The following USP45 variants were observed in gnomAD, a reference collection of about 807,000 sequenced individuals.
The protein encoded by USP45 is ubiquitin carboxyl-terminal hydrolase 45.
Under a neutral mutation model 95.8 loss-of-function variants are expected in USP45, and 89 were observed. The ratio of observed to expected loss-of-function variants is 0.93; its 90% CI spans 0.78 to 1.11. The LOEUF (loss-of-function observed/expected upper bound fraction) is 1.11, where lower values mean the gene tolerates loss of function less well. USP45 is among the 50% of genes least tolerant of loss of function. The pLI is 0.00. For synonymous variants in USP45, 281 were observed against 316.2 expected (o/e 0.89, Z 1.18); for missense variants, 898 against 942.5 (o/e 0.95, Z 0.62).
At position 99,437,499 on chromosome 6, in the gene USP45, A is replaced by C. The variant is rs1048748162; in HGVS notation, c.2161-100T>G. 3 of 1,205,300 alleles carry C rather than the reference A, an allele frequency of 2.5e-6. No individual in the cohort carries two copies. In the Admixed American group the frequency reaches 9.4e-5, roughly 38 times the overall value. 74.7% of individuals were successfully genotyped at this position (1,205,300 alleles called of 1,614,324 possible). On this transcript the variant is annotated intron_variant, in intron 16 of 17. Coordinates refer to ENST00000500704, the MANE Select transcript of USP45 (RefSeq NM_001346022.3). The stretch of plus-strand genomic sequence containing the variant: ...TATCTGCTTAACATAAGAAAAATGC[A>C]TAGTAAAACTGAGATACTTTCCATA...
chr6:99,492,635 C>G (rs558021182), intron 5 of USP45, among the ~76,000 whole-genome samples: 7 of 148,282 alleles, frequency 4.7e-5, no homozygotes, highest in Admixed American at 1.4e-4. Context: ...GTTGGGATTA[C>G]AGGCATGCGC....
chr6:99,436,088 G>A (rs1461376228), intron 17 of USP45, among the ~76,000 whole-genome samples: 4 of 151,688 alleles, frequency 2.6e-5, no homozygotes, highest in Admixed American at 1.3e-4. Flanking sequence ...GTGCCATGGT[G>A]GTTTGCTGCA....
intron 5 of USP45, among the ~76,000 whole-genome samples, chr6:99,495,395 G>A (rs1194392536): frequency 6.6e-6 from 1 of 152,206 alleles, no homozygotes; most frequent in Non-Finnish European, 1.5e-5. Flanking sequence ...GGGAACACTG[G>A]TTCTTCCCTT....
At chr6:99,484,274 C>G (rs2128714988) in intron 7 of USP45, among the ~76,000 whole-genome samples, 2 of 151,632 alleles carry the variant, frequency 1.3e-5, no homozygotes, top group East Asian at 3.9e-4. Context: ...CCCAAGTGAT[C>G]CTCCTGCTTC....
chr6:99,509,625 T>C (rs1229980457), intron 2 of USP45, among the ~76,000 whole-genome samples: 1 of 140,998 alleles, frequency 7.1e-6, no homozygotes, highest in Non-Finnish European at 1.5e-5. Context: ...GACATGGTTT[T>C]AATAGGCCAT....
At chr6:99,441,765 C>T (rs1196809068) in intron 15 of USP45, among the ~76,000 whole-genome samples, 1 of 152,092 alleles carries the variant, frequency 6.6e-6, no homozygotes, top group Non-Finnish European at 1.5e-5. Context: ...CTTGCCTGGA[C>T]TTTGTACTTC....
chr6:99,510,031 T>A (rs1446884277), intron 2 of USP45, 90 bp downstream of exon 2: 1 of 956,452 alleles, frequency 1.0e-6, no homozygotes, highest in African/African-American at 1.6e-5. Context: ...TACAAGTTGA[T>A]CCTCAGCGTT....
chr6:99,497,432 G>C (rs1421876882), intron 5 of USP45, among the ~76,000 whole-genome samples: 1 of 152,128 alleles, frequency 6.6e-6, no homozygotes, highest in Non-Finnish European at 1.5e-5. Context: ...CAGCTGAAAA[G>C]AAGTTTAATA....
In USP45 at chr6:99,493,739, T is replaced by A. The variant is rs375269121; in HGVS notation, c.479-4919A>T. Reference sequence around the variant, plus strand: ...GTCTCGAACTCCTGACCTCAGGTGATCCACCTGCCTGGACCTCCCAAAGTG... The same window carrying A: ...GTCTCGAACTCCTGACCTCAGGTGAACCACCTGCCTGGACCTCCCAAAGTG... On this transcript the variant is annotated intron_variant, in intron 5 of 17. Transcript: ENST00000500704. Among the ~76,000 whole-genome samples, 31 of 152,252 alleles carry A rather than the reference T, an allele frequency of 2.0e-4. No homozygotes were observed. In the East Asian group the frequency reaches 4.3e-3, roughly 21 times the overall value.
At chr6:99,463,584 C>T (rs1015891531) in intron 13 of USP45, among the ~76,000 whole-genome samples, 2 of 151,840 alleles carry the variant, frequency 1.3e-5, no homozygotes, top group South Asian at 4.2e-4. Flanking sequence ...GAGGCTGAGG[C>T]GGGTGGATCA....
intron 13 of USP45, among the ~76,000 whole-genome samples, chr6:99,463,062 A>G (rs1307091741): frequency 1.3e-5 from 2 of 152,144 alleles, no homozygotes; most frequent in African/African-American, 4.8e-5. Flanking sequence ...CATTTCATAT[A>G]AAAAAGTTTT....
At position 99,488,246 on chromosome 6, in the gene USP45, T is replaced by C; in HGVS notation, c.668A>G (p.Glu223Gly). The change falls in exon 7 of 18, where the codon GAA becomes GGA. Residue 223 changes from glutamate (E) to glycine (G), a missense_variant. Glu to Gly is a moderately conservative substitution (Grantham distance 98, BLOSUM62 -2). Coordinates refer to ENST00000500704, the MANE Select transcript of USP45 (RefSeq NM_001346022.3). Reference sequence around the variant, plus strand: ...AAAAATCTTGAGTTTTGTACTACTTTCTTTGATCTCATTCATCAGATCAGT... The same window carrying C: ...AAAAATCTTGAGTTTTGTACTACTTCCTTTGATCTCATTCATCAGATCAGT... Reference protein sequence around the residue: ...TLTDLMNEIKESSTKLKIFPS... With the variant: ...TLTDLMNEIKGSSTKLKIFPS... 1 of 1,612,770 alleles carries C rather than the reference T, an allele frequency of 6.2e-7. No individual in the cohort carries two copies. Among genetic ancestry groups the C allele is most frequent in the South Asian group, 1.1e-5 (1 of 90,944 alleles).
Position 99,508,575 on chromosome 6 carries a change from C to T in USP45, c.273+35G>A, listed in dbSNP as rs749583657. 3.2e-6 allele frequency: 5 copies of T among 1,581,590 alleles called. No homozygotes were observed. The African/African-American group carries it at 4.0e-5, about 13-fold the overall frequency. ...CAATAAGCATTTAAGGAAAACATTTCAGACAAACTCACATATAAATAATAC... is the reference window on the plus strand; with the variant it reads ...CAATAAGCATTTAAGGAAAACATTTTAGACAAACTCACATATAAATAATAC... On this transcript the variant is annotated intron_variant, in intron 3 of 17. Transcript: ENST00000500704.
At chr6:99,497,470 T>TTG in intron 5 of USP45, among the ~76,000 whole-genome samples, 1 of 152,324 alleles carries the variant, frequency 6.6e-6, no homozygotes, top group East Asian at 1.9e-4. Context: ...AAGAGACAAC[T>TTG]TGGTGCCCCA....
intron 7 of USP45, among the ~76,000 whole-genome samples, chr6:99,485,526 G>C (rs926235521): frequency 2.0e-5 from 3 of 152,074 alleles, no homozygotes; most frequent in African/African-American, 7.2e-5. Flanking sequence ...AATCTATCCT[G>C]TTAGAAACCA....
chr6:99,455,116 A>C (rs1433301856), intron 13 of USP45, among the ~76,000 whole-genome samples: 1 of 151,384 alleles, frequency 6.6e-6, no homozygotes, highest in African/African-American at 2.4e-5. Flanking sequence ...AAAACAAAAA[A>C]ACAAAACACA....
intron 13 of USP45, chr6:99,460,980 A>G (rs1450795682): frequency 1.0e-6 from 1 of 985,400 alleles, no homozygotes; most frequent in African/African-American, 1.7e-5. Flanking sequence ...TTAAGAGCCG[A>G]GTCTCAAAGA....
intron 13 of USP45, among the ~76,000 whole-genome samples, chr6:99,454,573 C>A (rs944904301): frequency 1.7e-4 from 26 of 151,926 alleles, no homozygotes; most frequent in Admixed American, 1.7e-3. Flanking sequence ...TAGACATTTC[C>A]CAAAAGAAGA....
At chr6:99,506,803 T>C (rs1798619847) in intron 4 of USP45, among the ~76,000 whole-genome samples, 1 of 152,194 alleles carries the variant, frequency 6.6e-6, no homozygotes, top group Non-Finnish European at 1.5e-5. Flanking sequence ...CCTGACTGCT[T>C]GAAGTATCTT....
Sources: gnomAD v4.1 joint callset for allele counts (sites outside exome capture counted in the v4.1 genomes callset) on GRCh38, gnomAD v4.1.1 for gene constraint, MANE v1.5 for transcripts, NCBI Gene and HGNC (gene_info 2026-07-23, HGNC 2026-07-21) for gene names.